TSHZ2: variants seen among roughly 807,000 people sequenced by gnomAD.
The protein encoded by TSHZ2 is teashirt homolog 2.
TSHZ2 carries 21 observed loss-of-function variants against 74.4 expected under a neutral mutation model. The ratio of observed to expected loss-of-function variants is 0.28; its 90% CI spans 0.20 to 0.41. The LOEUF (loss-of-function observed/expected upper bound fraction) is 0.41, where lower values mean the gene tolerates loss of function less well. Among genes scored for constraint, TSHZ2 ranks in the 10% least tolerant of loss-of-function variants. The pLI, the probability that TSHZ2 is intolerant of heterozygous loss-of-function variation, is 1.00. For missense variants in TSHZ2, 1,244 were observed against 1,293.5 expected, an observed-to-expected ratio of 0.96 and a Z score of 0.59; for synonymous variants, 540 against 515.3, an observed-to-expected ratio of 1.05 and a Z score of -0.65.
chr20:53,010,572 G>C (rs1358447220), intron 1 of TSHZ2, among the ~76,000 whole-genome samples: 1 of 152,016 alleles, frequency 6.6e-6, no homozygotes, highest in Non-Finnish European at 1.5e-5. Flanking sequence ...TGGCCAACTA[G>C]ATTGGAAACA....
At chr20:53,269,102 G>T (rs1406318587) in intron 2 of TSHZ2, among the ~76,000 whole-genome samples, 1 of 152,164 alleles carries the variant, frequency 6.6e-6, no homozygotes, top group Non-Finnish European at 1.5e-5. Flanking sequence ...GCCTTAGTTT[G>T]TGTTGAGGAT....
chr20:53,277,313 A>G (rs1990967317), intron 2 of TSHZ2, among the ~76,000 whole-genome samples: 1 of 152,246 alleles, frequency 6.6e-6, no homozygotes, highest in African/African-American at 2.4e-5. Context: ...TCTTTTATTT[A>G]TAATTCACTG....
chr20:53,279,564 C>T (rs1991014491), intron 2 of TSHZ2, among the ~76,000 whole-genome samples: 2 of 152,142 alleles, frequency 1.3e-5, no homozygotes, highest in Admixed American at 6.5e-5. Context: ...TTCTCGTCAC[C>T]CTGTTTTATT....
At chr20:52,977,054 A>G (rs1400847549) in intron 1 of TSHZ2, among the ~76,000 whole-genome samples, 1 of 152,202 alleles carries the variant, frequency 6.6e-6, no homozygotes, top group Non-Finnish European at 1.5e-5. Context: ...AACACAGGTT[A>G]TTTACATGGG....
At chr20:53,110,655 TATG>T (rs1461887088) in intron 1 of TSHZ2, among the ~76,000 whole-genome samples, 1 of 151,810 alleles carries the variant, frequency 6.6e-6, no homozygotes, top group Non-Finnish European at 1.5e-5. Flanking sequence ...GTACTGGAAA[TATG>T]GTGGTAAGGG....
chr20:53,282,814 G>A (rs1345507719), intron 2 of TSHZ2, among the ~76,000 whole-genome samples: 1 of 152,200 alleles, frequency 6.6e-6, no homozygotes, highest in African/African-American at 2.4e-5. Flanking sequence ...CCAAGCATGT[G>A]ATTTGTGTCA....
At chr20:53,215,386 A>C (rs1405946510) in intron 1 of TSHZ2, among the ~76,000 whole-genome samples, 2 of 151,952 alleles carry the variant, frequency 1.3e-5, no homozygotes, top group Non-Finnish European at 2.9e-5. Flanking sequence ...ACCATGCCAC[A>C]GTATCTTGTT....
intron 1 of TSHZ2, among the ~76,000 whole-genome samples, chr20:53,024,313 G>T (rs6091622): frequency 0.042 from 6,358 of 151,370 alleles, 303 homozygotes; most frequent in South Asian, 0.13. Flanking sequence ...GGCGTTTCCT[G>T]GTTTGTGTTT....
At chr20:53,016,776 A>C (rs1243796270) in intron 1 of TSHZ2, among the ~76,000 whole-genome samples, 1 of 152,132 alleles carries the variant, frequency 6.6e-6, no homozygotes, top group African/African-American at 2.4e-5. Context: ...TTGACTTTCT[A>C]TTCACGCTAC....
rs1370369070 is a variant in TSHZ2, at chr20:53,491,077, A to G, written c.*3942A>G. 7.2e-6 allele frequency: 1 copy of G among 139,248 alleles called. No homozygotes were observed. Among genetic ancestry groups the G allele is most frequent in the Non-Finnish European group, 1.5e-5 (1 of 64,646 alleles). 8.6% of individuals were successfully genotyped at this position (139,248 alleles called of 1,614,324 possible). A position where few individuals can be genotyped will look rare whatever the true frequency, so the allele number is the denominator to read the frequency against. The stretch of plus-strand genomic sequence containing the variant: ...ATGCTTTTGTTTAAAAAAAAAAAAA[A>G]AACCCCAAATGTCATTTTTCACATT... On this transcript the variant is annotated 3_prime_UTR_variant, in exon 3 of 3. Transcript: ENST00000371497.
At chr20:53,349,328 C>T (rs1259382654) in intron 2 of TSHZ2, among the ~76,000 whole-genome samples, 1 of 152,212 alleles carries the variant, frequency 6.6e-6, no homozygotes, top group Non-Finnish European at 1.5e-5. Context: ...ATAAGCTCTT[C>T]TTATAAGATA....
chr20:53,062,722 C>T (rs1371865173), intron 1 of TSHZ2, among the ~76,000 whole-genome samples: 2 of 152,186 alleles, frequency 1.3e-5, no homozygotes, highest in Admixed American at 1.3e-4. Flanking sequence ...GTTCACTTTC[C>T]TATCATTTGT....
In TSHZ2 at chr20:53,494,150, T is replaced by C. The variant is rs985793342; in HGVS notation, c.*7015T>C. ...AAATACAAAAAACATTAGCAGGGCA[T>C]GGTGGTGCGTGCCTGTAGTCCCAGC... On this transcript the variant is annotated 3_prime_UTR_variant, in exon 3 of 3. Coordinates refer to ENST00000371497, the MANE Select transcript of TSHZ2 (RefSeq NM_173485.6). 1 of 152,136 alleles carries C rather than the reference T, an allele frequency of 6.6e-6. No individual in the cohort carries two copies. Among genetic ancestry groups the C allele is most frequent in the African/African-American group, 2.4e-5 (1 of 41,376 alleles). The allele number at this position is 152,136 out of a possible 1,614,324, so 9.4% of individuals were successfully genotyped here.
chr20:53,269,245 C>A (rs549408734), intron 2 of TSHZ2, among the ~76,000 whole-genome samples: 1 of 151,894 alleles, frequency 6.6e-6, no homozygotes, highest in African/African-American at 2.4e-5. Flanking sequence ...AGAAAAAAAC[C>A]CTTTCATTTA....
chr20:53,398,730 G>A (rs1982547415), intron 2 of TSHZ2: 1 of 152,226 alleles, frequency 6.6e-6, no homozygotes, highest in Non-Finnish European at 1.5e-5. Context: ...TCCAGCCTGG[G>A]TCACAAAGTG....
intron 2 of TSHZ2, chr20:53,461,468 C>T (rs1268149927): frequency 1.3e-5 from 2 of 151,022 alleles, no homozygotes; most frequent in Admixed American, 1.3e-4. Context: ...GAACCCAGTA[C>T]CTCAGATGGA....
At chr20:53,453,847 G>A (rs1984924654) in intron 2 of TSHZ2, among the ~76,000 whole-genome samples, 1 of 152,188 alleles carries the variant, frequency 6.6e-6, no homozygotes, top group African/African-American at 2.4e-5. Context: ...CAGGCTACAT[G>A]TTTGGGACTA....
At chr20:53,470,789 G>A (rs760535153) in intron 2 of TSHZ2, among the ~76,000 whole-genome samples, 1 of 151,904 alleles carries the variant, frequency 6.6e-6, no homozygotes, top group Non-Finnish European at 1.5e-5. Context: ...CTCCAGCCTG[G>A]ATGATAGAGC....
chr20:52,973,194 G>A lies in TSHZ2; in HGVS notation c.-100G>A, dbSNP rs1162285741. The A allele has an allele frequency of 4.0e-6, 6 of 1,485,776 alleles. No individual in the cohort carries two copies. Among genetic ancestry groups the A allele is most frequent in the Admixed American group, 4.1e-5 (2 of 49,192 alleles). The allele number at this position is 1,485,776 out of a possible 1,614,324, so 92.0% of individuals were successfully genotyped here. On this transcript the variant is annotated 5_prime_UTR_variant, in exon 1 of 3. Coordinates refer to ENST00000371497, the MANE Select transcript of TSHZ2 (RefSeq NM_173485.6). Reference sequence around the variant, plus strand: ...CGAGTGACGTCCTAGGAGCCACCGGGCAAGAGGCGGAGGAGACCCAGAGAG... The same window carrying A: ...CGAGTGACGTCCTAGGAGCCACCGGACAAGAGGCGGAGGAGACCCAGAGAG...
Sources: allele counts gnomAD v4.1 joint callset (sites outside exome capture counted in the v4.1 genomes callset), GRCh38; gene constraint gnomAD v4.1.1; transcripts MANE v1.5; gene names NCBI Gene and HGNC (gene_info 2026-07-23, HGNC 2026-07-21).